ACOX1: variants seen among roughly 807,000 people sequenced by gnomAD.
ACOX1 encodes the protein peroxisomal acyl-coenzyme A oxidase 1.
ACOX1 carries 41 observed loss-of-function variants against 75.5 expected under a neutral mutation model. The observed-to-expected ratio is 0.54, with a 90% confidence interval of 0.42 to 0.70. The LOEUF is 0.70. ACOX1 is among the 30% of genes least tolerant of loss of function. The pLI is 0.00. For synonymous variants in ACOX1, 303 were observed against 298.8 expected (o/e 1.01, Z -0.15); for missense variants, 630 against 837.5 (o/e 0.75, Z 3.06).
intron 2 of ACOX1, among the ~76,000 whole-genome samples, chr17:75,967,686 A>G (rs2065949072): frequency 7.0e-6 from 1 of 142,136 alleles, no homozygotes; most frequent in Admixed American, 7.3e-5. Context: ...ATATACGTAT[A>G]TATATACATA....
chr17:75,961,544 C>T (rs1397454846), intron 2 of ACOX1, among the ~76,000 whole-genome samples: 8 of 145,726 alleles, frequency 5.5e-5, no homozygotes, highest in African/African-American at 1.3e-4. Flanking sequence ...CCAAGGTGGG[C>T]GGATCACCTG....
chr17:75,978,810 C>A lies in ACOX1; in HGVS notation c.110-117G>T, dbSNP rs2144331308. Reference sequence around the variant, plus strand: ...ACACACCTGGGGAATGGCGATATCCCCCCACCAGGGACACAGGCTGTTCCT... The same window carrying A: ...ACACACCTGGGGAATGGCGATATCCACCCACCAGGGACACAGGCTGTTCCT... On this transcript the variant is annotated intron_variant, in intron 1 of 13. Coordinates refer to ENST00000293217, the MANE Select transcript of ACOX1 (RefSeq NM_004035.7). The surrounding 1 kb of genome is among the most constrained non-coding windows in gnomAD (Gnocchi z 4.2). 1 of 1,603,236 alleles carries A rather than the reference C, an allele frequency of 6.2e-7. No individual in the cohort carries two copies. Among genetic ancestry groups the A allele is most frequent in the Non-Finnish European group, 8.5e-7 (1 of 1,178,460 alleles).
chr17:75,947,711 C>CT (rs34884157), intron 13 of ACOX1, among the ~76,000 whole-genome samples: 28,425 of 134,770 alleles, frequency 0.21, 2,958 homozygotes, highest in Non-Finnish European at 0.24. Context: ...TGTGTGTATA[C>CT]TTTTTTTTTT....
intron 2 of ACOX1, among the ~76,000 whole-genome samples, chr17:75,967,607 TATATATACATAC>T (rs2065943596): frequency 7.0e-6 from 1 of 141,894 alleles, no homozygotes; most frequent in African/African-American, 2.7e-5. Flanking sequence ...GAAATATATA[TATATATACATAC>T]ATATATATAT....
At chr17:75,964,801 G>C (rs1245173988) in intron 2 of ACOX1, among the ~76,000 whole-genome samples, 1 of 152,136 alleles carries the variant, frequency 6.6e-6, no homozygotes, top group African/African-American at 2.4e-5. Context: ...TGAAGGGCTA[G>C]AGTCAGCTCT....
At chr17:75,973,422 A>C (rs2066015182) in intron 2 of ACOX1, 2 of 618,304 alleles carry the variant, frequency 3.2e-6, no homozygotes, top group South Asian at 3.8e-5. Flanking sequence ...TTTAGGAAAT[A>C]ACAGTGAATG....
intron 2 of ACOX1, among the ~76,000 whole-genome samples, chr17:75,965,773 C>A (rs2065926451): frequency 6.6e-6 from 1 of 152,048 alleles, no homozygotes; most frequent in Admixed American, 6.6e-5. Context: ...ATCAAGGCTG[C>A]AGTGAGCTAT....
At chr17:75,956,085 C>A in intron 4 of ACOX1, 138 bp from the exon 5 acceptor site, 1 of 1,096,748 alleles carries the variant, frequency 9.1e-7, no homozygotes, top group Non-Finnish European at 1.4e-6. Flanking sequence ...TTTCTGCTGA[C>A]AGCATCACAC....
chr17:75,950,337 C>A lies in ACOX1; in HGVS notation c.1298+437G>T, dbSNP rs970770169. Among the ~76,000 whole-genome samples the A allele has an allele frequency of 6.6e-6, 1 of 151,614 alleles. No homozygotes were observed. Among genetic ancestry groups the A allele is most frequent in the Non-Finnish European group, 1.5e-5 (1 of 67,908 alleles). ...CTTGGCTCACTGCAACCTCCGCTTC[C>A]CAGGTTCAAGCGATTCTTCTGCCTC... On this transcript the variant is annotated intron_variant, in intron 9 of 13. Coordinates refer to ENST00000293217, the MANE Select transcript of ACOX1 (RefSeq NM_004035.7). This position sits in a 1 kb window ranked among gnomAD's most constrained non-coding sequence, Gnocchi z 4.3.
rs1415972664 is a variant in ACOX1 at position 75,979,112 on chromosome 17, G to A, written c.-39C>T. On this transcript the variant is annotated 5_prime_UTR_variant, in exon 1 of 14. Transcript: ENST00000293217. ...TGGCAGCGAAGTAAGCACCGACCGAGGTGGCAGTGACAATCTAAATCCGCA... is the reference window on the plus strand; with the variant it reads ...TGGCAGCGAAGTAAGCACCGACCGAAGTGGCAGTGACAATCTAAATCCGCA... 6.2e-7 allele frequency: 1 copy of A among 1,606,208 alleles called. No individual in the cohort carries two copies. Among genetic ancestry groups the A allele is most frequent in the Non-Finnish European group, 8.5e-7 (1 of 1,179,768 alleles).
At chr17:75,954,905 G>A (rs1358396646) in intron 6 of ACOX1, among the ~76,000 whole-genome samples, 1 of 145,368 alleles carries the variant, frequency 6.9e-6, no homozygotes, top group Non-Finnish European at 1.5e-5. Context: ...GTCTCACTCT[G>A]TTGCCAAGCT....
At chr17:75,975,355 C>T (rs1224367334) in intron 2 of ACOX1, among the ~76,000 whole-genome samples, 1 of 151,924 alleles carries the variant, frequency 6.6e-6, no homozygotes, top group African/African-American at 2.4e-5. Flanking sequence ...AGGCGTTTTG[C>T]CATGTTGGCC....
rs566948249 is a variant in ACOX1 at position 75,971,239 on chromosome 17, C to T, written c.269+7295G>A. Among the ~76,000 whole-genome samples the T allele has an allele frequency of 1.7e-4, 25 of 147,422 alleles. No homozygotes were observed. In the South Asian group the frequency reaches 4.3e-3, roughly 25 times the overall value. On this transcript the variant is annotated intron_variant, in intron 2 of 13. Coordinates refer to ENST00000293217, the MANE Select transcript of ACOX1 (RefSeq NM_004035.7). ...CTGGGAGGCGGAGGTTGCGGGGAGC[C>T]GAGATCGCGCCATTGCACTCCAGCC...
rs374898901 is a variant in ACOX1 at position 75,960,892 on chromosome 17, C to T, written c.270-517G>A. 1.3e-5 allele frequency among the ~76,000 whole-genome samples: 2 copies of T among 152,142 alleles called. No individual in the cohort carries two copies. Among genetic ancestry groups the T allele is most frequent in the South Asian group, 2.1e-4 (1 of 4,818 alleles). On this transcript the variant is annotated intron_variant, in intron 2 of 13. Coordinates refer to ENST00000293217, the MANE Select transcript of ACOX1 (RefSeq NM_004035.7). The surrounding 1 kb of genome is among the most constrained non-coding windows in gnomAD (Gnocchi z 4.4). ...ATTTGGGAGCCTGAGGCAGGAAAAT[C>T]GCTTGAACCTAGGAGGCGGAGGTTG...
chr17:75,947,773 G>A (rs969701504), intron 13 of ACOX1, among the ~76,000 whole-genome samples: 4 of 150,246 alleles, frequency 2.7e-5, no homozygotes, highest in South Asian at 4.2e-4. Flanking sequence ...GCAATGGCAC[G>A]AACGTGGCTC....
At chr17:75,972,621 G>A (rs1221455122) in intron 2 of ACOX1, among the ~76,000 whole-genome samples, 1 of 146,608 alleles carries the variant, frequency 6.8e-6, no homozygotes, top group Non-Finnish European at 1.5e-5. Context: ...CTCCAGCCTG[G>A]GCAAAAAAAG....
intron 2 of ACOX1, among the ~76,000 whole-genome samples, chr17:75,976,550 C>T (rs2066052064): frequency 6.6e-6 from 1 of 152,152 alleles, no homozygotes; most frequent in Non-Finnish European, 1.5e-5. Context: ...TCAATATCCC[C>T]ACAGCCATGA....
At position 75,978,677 on chromosome 17, in the gene ACOX1, G is replaced by T. The variant is rs1228602197; in HGVS notation, c.126C>A (p.Asn42Lys). 6.2e-7 allele frequency: 1 copy of T among 1,614,134 alleles called. No homozygotes were observed. The highest frequency in any genetic ancestry group is 1.7e-5 in the Admixed American group (1 of 60,028). ...AGTCCTCATGCTGGAAGTCTGGGTC[G>T]TTCAGGATCATGTTCTCTGAAAGGG... ...RRREIENMIL[N>K]DPDFQHEDLN... Residue 42 changes from asparagine (N) to lysine (K), a missense_variant, in exon 2 of 14, where the codon AAC (asparagine) becomes AAA (lysine). Coordinates refer to ENST00000293217, the MANE Select transcript of ACOX1 (RefSeq NM_004035.7). This position sits in a 1 kb window ranked among gnomAD's most constrained non-coding sequence, Gnocchi z 4.2.
At chr17:75,965,154 G>T (rs371895719) in intron 2 of ACOX1, among the ~76,000 whole-genome samples, 1 of 151,936 alleles carries the variant, frequency 6.6e-6, no homozygotes. Flanking sequence ...TGGCTAACAC[G>T]GCGAAACCCC....
Sources: gnomAD v4.1 joint callset for allele counts (sites outside exome capture counted in the v4.1 genomes callset) on GRCh38, gnomAD v4.1.1 for gene constraint, Gnocchi (gnomAD v3.1) non-coding constraint, MANE v1.5 for transcripts, NCBI Gene and HGNC (gene_info 2026-07-23, HGNC 2026-07-21) for gene names.